Variants in TFIP11 observed in about 807,000 individuals in gnomAD.
TFIP11 encodes tuftelin interacting protein 11, also known as tuftelin-interacting protein 11.
In TFIP11, 86 loss-of-function variants were observed where a neutral mutation model predicts 96.8. The ratio of observed to expected loss-of-function variants is 0.89; its 90% CI spans 0.75 to 1.06. TFIP11 has a LOEUF of 1.06. Among genes scored for constraint, TFIP11 ranks in the 50% least tolerant of loss-of-function variants. The pLI, the probability that TFIP11 is intolerant of heterozygous loss-of-function variation, is 0.00. For synonymous variants in TFIP11, 405 were observed against 395.2 expected (o/e 1.02, Z -0.29); for missense variants, 881 against 1,076.7 (o/e 0.82, Z 2.54).
intron 4 of TFIP11, among the ~76,000 whole-genome samples, chr22:26,507,234 T>C (rs1218127568): frequency 6.6e-6 from 1 of 152,116 alleles, no homozygotes; most frequent in Admixed American, 6.6e-5. Context: ...TTTTAAAAAA[T>C]TAATTTATCA....
At chr22:26,508,460 T>A (rs148061579) in intron 4 of TFIP11, among the ~76,000 whole-genome samples, 1 of 152,222 alleles carries the variant, frequency 6.6e-6, no homozygotes, top group African/African-American at 2.4e-5. Context: ...GATTATGCAA[T>A]TCTTGTTCCC....
chr22:26,503,680 C>T lies in TFIP11; in HGVS notation c.634G>A (p.Glu212Lys), dbSNP rs1569163063. The change falls in exon 7 of 15, where the codon GAA becomes AAA. Residue 212 changes from glutamate to lysine, a missense_variant. Coordinates refer to ENST00000407690, the MANE Select transcript of TFIP11 (RefSeq NM_012143.4). ...CTTCCAGTTACCTCTTCAGCTTCTTCCTCTGAGTCAACCACAGGGAAGTCT... is the reference window on the plus strand; with the variant it reads ...CTTCCAGTTACCTCTTCAGCTTCTTTCTCTGAGTCAACCACAGGGAAGTCT... The part of the protein sequence containing the change: ...MQDFPVVDSE[E>K]EAEEEFQKEL... 2 of 1,614,134 alleles carry T rather than the reference C, an allele frequency of 1.2e-6. No homozygotes were observed. Among genetic ancestry groups the T allele is most frequent in the Admixed American group, 3.3e-5 (2 of 60,002 alleles).
At position 26,495,019 on chromosome 22, in the gene TFIP11, C is replaced by T. The variant is rs540485840; in HGVS notation, c.1850-80G>A. Reference sequence around the variant, plus strand: ...AAGCACAAAGAGCAAAGACAATGTCCGTTTTCATCTCAGCTTACAGCAACC... The same window carrying T: ...AAGCACAAAGAGCAAAGACAATGTCTGTTTTCATCTCAGCTTACAGCAACC... On this transcript the variant is annotated intron_variant, in intron 12 of 14. Coordinates refer to ENST00000407690, the MANE Select transcript of TFIP11 (RefSeq NM_012143.4). 68 of 1,578,406 alleles carry T rather than the reference C, an allele frequency of 4.3e-5. No individual in the cohort carries two copies. The East Asian group carries it at 1.0e-3, about 24-fold the overall frequency.
rs1162018040 is a variant in TFIP11 at position 26,499,388 on chromosome 22, C to G, written c.1045G>C (p.Val349Leu). The G allele has an allele frequency of 1.9e-6, 3 of 1,614,118 alleles. No homozygotes were observed. In the Admixed American group the frequency reaches 5.0e-5, roughly 27 times the overall value. The part of the protein sequence containing the change: ...DRQLQYERDM[V>L]VNLFHELEKM... ...TCCAGCTCGTGGAAGAGGTTGACCA[C>G]CATGTCCCGCTCATACTGTAGCTGC... is the stretch of plus-strand genomic sequence containing the variant. The change falls in exon 9 of 15, where the codon GTG (valine) becomes CTG (leucine). Residue 349 changes from valine (V) to leucine (L), a missense_variant. Coordinates refer to ENST00000407690, the MANE Select transcript of TFIP11 (RefSeq NM_012143.4).
Position 26,491,810 on chromosome 22 carries a change from T to G in TFIP11, c.*203A>C. On this transcript the variant is annotated 3_prime_UTR_variant, in exon 15 of 15. Coordinates refer to ENST00000407690, the MANE Select transcript of TFIP11 (RefSeq NM_012143.4). The stretch of plus-strand genomic sequence containing the variant: ...CTTGGCTGTCCTGTTTTGAGGACGA[T>G]ACCCCACATGAGGACTTGGTATAAA... 1.1e-6 allele frequency: 1 copy of G among 938,818 alleles called. No individual in the cohort carries two copies. The highest frequency in any genetic ancestry group is 1.6e-6 in the Non-Finnish European group (1 of 639,484). The allele number at this position is 938,818 out of a possible 1,614,324, so 58.2% of individuals were successfully genotyped here. A position where few individuals can be genotyped will look rare whatever the true frequency, so the allele number is the denominator to read the frequency against.
chr22:26,506,376 T>C lies in TFIP11; in HGVS notation c.447A>G (p.Thr149=), dbSNP rs755861313. Residue 149 remains threonine (T), a synonymous_variant, in exon 6 of 15, where the codon ACA becomes ACG. Transcript: ENST00000407690. ...FMDFGSWERH[T]KGIGQKLLQK... is the part of the protein sequence containing the mutation. ...GAAGAAGCTTCTGTCCAATTCCTTT[T>C]GTGTGTCTTTCCCAGCTGCCGAAGT... The C allele has an allele frequency of 6.8e-6, 11 of 1,614,038 alleles. No homozygotes were observed. Among genetic ancestry groups the C allele is most frequent in the Non-Finnish European group, 9.3e-6 (11 of 1,179,892 alleles).
At chr22:26,509,764 G>C (rs865938963) in intron 4 of TFIP11, among the ~76,000 whole-genome samples, 4 of 152,106 alleles carry the variant, frequency 2.6e-5, no homozygotes, top group Non-Finnish European at 5.9e-5. Context: ...GCTGAGGCAC[G>C]GGAATCACTT....
chr22:26,505,401 C>T (rs1279566073), intron 6 of TFIP11, among the ~76,000 whole-genome samples: 3 of 152,070 alleles, frequency 2.0e-5, no homozygotes, highest in Non-Finnish European at 2.9e-5. Context: ...AAACTATGCA[C>T]GATGTTTTAC....
chr22:26,499,690 T>G (rs1922541488), intron 8 of TFIP11, 59 bp from the exon 9 acceptor site: 3 of 1,527,310 alleles, frequency 2.0e-6, no homozygotes, highest in Non-Finnish European at 2.6e-6. Flanking sequence ...AACACACAGC[T>G]AAGCCCAGGG....
chr22:26,499,353 G>A lies in TFIP11; in HGVS notation c.1080C>T (p.Thr360=), dbSNP rs773835930. ...CCCGCTCCTCGTGGTCCAGGACCTC[G>A]GTCATCTTCTCCAGCTCGTGGAAGA... ...VNLFHELEKM[T]EVLDHEERVI... is the part of the protein sequence containing the mutation. The change falls in exon 9 of 15, where the codon ACC becomes ACT. Residue 360 remains threonine, a synonymous_variant. Coordinates refer to ENST00000407690, the MANE Select transcript of TFIP11 (RefSeq NM_012143.4). The A allele has an allele frequency of 9.9e-6, 16 of 1,614,100 alleles. No individual in the cohort carries two copies. Among genetic ancestry groups the A allele is most frequent in the East Asian group, 2.2e-5 (1 of 44,872 alleles).
intron 10 of TFIP11, 56 bp from the exon 11 acceptor site, chr22:26,496,945 ACAC>A (rs1443255486): frequency 3.2e-6 from 5 of 1,580,522 alleles, no homozygotes; most frequent in Non-Finnish European, 3.5e-6. Context: ...GTTTCAAAGT[ACAC>A]CACCACCACC....
intron 8 of TFIP11, among the ~76,000 whole-genome samples, chr22:26,499,958 G>A (rs1341058903): frequency 6.6e-6 from 1 of 152,122 alleles, no homozygotes; most frequent in Non-Finnish European, 1.5e-5. Flanking sequence ...GGTAGAAGCT[G>A]TACTGATCAA....
chr22:26,499,749 A>G, intron 8 of TFIP11, 118 bp from the exon 9 acceptor site: 1 of 1,075,246 alleles, frequency 9.3e-7, no homozygotes, highest in Non-Finnish European at 1.3e-6. Context: ...TATTCAACAG[A>G]GCTGGAGAAG....
intron 3 of TFIP11, 50 bp downstream of exon 3, chr22:26,510,567 T>C: frequency 2.9e-6 from 1 of 339,686 alleles, no homozygotes; most frequent in South Asian, 4.2e-5. Context: ...TATTCACACA[T>C]ACACAAACCA....
Position 26,491,814 on chromosome 22 carries a change from C to A in TFIP11, c.*199G>T. The A allele has an allele frequency of 1.1e-6, 1 of 927,244 alleles. No homozygotes were observed. Among genetic ancestry groups the A allele is most frequent in the Non-Finnish European group, 1.6e-6 (1 of 629,712 alleles). 57.4% of individuals were successfully genotyped at this position (927,244 alleles called of 1,614,324 possible). On this transcript the variant is annotated 3_prime_UTR_variant, in exon 15 of 15. Coordinates refer to ENST00000407690, the MANE Select transcript of TFIP11 (RefSeq NM_012143.4). ...GCTGTCCTGTTTTGAGGACGATACC[C>A]CACATGAGGACTTGGTATAAAGATT...
rs577439243 is a variant in TFIP11 at position 26,495,586 on chromosome 22, G to A, written c.1849+487C>T. ...TACACATATATATATGTGTGTGTGT[G>A]TATACATATATACATATATATGTGT... On this transcript the variant is annotated intron_variant, in intron 12 of 14. Transcript: ENST00000407690. 1.2e-4 allele frequency among the ~76,000 whole-genome samples: 6 copies of A among 50,834 alleles called. 1 individual carries two copies. Among genetic ancestry groups the A allele is most frequent in the South Asian group, 1.1e-3 (1 of 922 alleles). The allele number at this position is 50,834 out of a possible 152,430, so 33.3% of individuals were successfully genotyped here. A position where few individuals can be genotyped will look rare whatever the true frequency, so the allele number is the denominator to read the frequency against.
chr22:26,509,919 C>A, intron 4 of TFIP11, 145 bp downstream of exon 4: 1 of 746,516 alleles, frequency 1.3e-6, no homozygotes, highest in Non-Finnish European at 2.2e-6. Context: ...AAAGAGGAAA[C>A]CAGACCTCTC....
At chr22:26,496,037 C>T (rs1425789613) in intron 12 of TFIP11, 36 bp downstream of exon 12, 2 of 1,601,612 alleles carry the variant, frequency 1.2e-6, no homozygotes, top group African/African-American at 2.7e-5. Context: ...GGCACCAAAG[C>T]TGCTGGGCTT....
At chr22:26,507,885 G>A (rs1057155036) in intron 4 of TFIP11, among the ~76,000 whole-genome samples, 7 of 152,118 alleles carry the variant, frequency 4.6e-5, no homozygotes, top group African/African-American at 1.2e-4. Flanking sequence ...CACTTTGGGA[G>A]GCTTGAGGCC....
Sources: gnomAD v4.1 joint callset for allele counts (sites outside exome capture counted in the v4.1 genomes callset) on GRCh38, gnomAD v4.1.1 for gene constraint, MANE v1.5 for transcripts, NCBI Gene and HGNC (gene_info 2026-07-23, HGNC 2026-07-21) for gene names.